Variants in AAMDC observed in about 807,000 individuals in gnomAD.
AAMDC encodes adipogenesis associated Mth938 domain containing, also known as mth938 domain-containing protein.
In AAMDC, 16 loss-of-function variants were observed where a neutral mutation model predicts 15.5. The ratio of observed to expected loss-of-function variants is 1.03; its 90% CI spans 0.70 to 1.57. The LOEUF is 1.57. Ranked by LOEUF, AAMDC falls within the 40% of genes most tolerant of loss-of-function variation. AAMDC has a pLI of 0.00. For synonymous variants in AAMDC, 51 were observed against 51.6 expected (o/e 0.99, Z 0.05); for missense variants, 141 against 144.9 (o/e 0.97, Z 0.14).
intron 1 of AAMDC, among the ~76,000 whole-genome samples, chr11:77,826,829 G>A (rs1272995012): frequency 6.6e-6 from 1 of 152,158 alleles, no homozygotes; most frequent in Non-Finnish European, 1.5e-5. Context: ...TTGGAGCTGG[G>A]TGCAATGGCT....
chr11:77,869,861 C>T (rs542396592), intron 3 of AAMDC, 44 bp downstream of exon 3: 11 of 1,571,976 alleles, frequency 7.0e-6, no homozygotes, highest in Middle Eastern at 1.7e-4. Flanking sequence ...AGGTGGGGAT[C>T]TCTTGGGCCT....
chr11:77,855,625 G>A (rs1467476856), intron 2 of AAMDC: 1 of 151,566 alleles, frequency 6.6e-6, no homozygotes, highest in African/African-American at 2.4e-5. Context: ...CACCACGCCT[G>A]GCCTTTTTTT....
At chr11:77,883,891 G>A (rs1326534459) in intron 5 of AAMDC, 2 of 1,613,168 alleles carry the variant, frequency 1.2e-6, no homozygotes, top group Non-Finnish European at 1.7e-6. Context: ...CCCTGGGCCA[G>A]GATTCCGGAA....
Position 77,866,705 on chromosome 11 carries a change from G to C in AAMDC, c.133-3017G>C, listed in dbSNP as rs532086543. On this transcript the variant is annotated intron_variant, in intron 2 of 3. Transcript: ENST00000393427. ...TTCATTTTACTAGAATGTGAGCTCT[G>C]GGTGAGAGAGTGAGACTCCATCTCG... is the stretch of plus-strand genomic sequence containing the variant. 5.9e-5 allele frequency: 9 copies of C among 151,780 alleles called. No individual in the cohort carries two copies. The South Asian group carries it at 1.9e-3, about 32-fold the overall frequency. 9.4% of individuals were successfully genotyped at this position (151,780 alleles called of 1,614,324 possible).
At chr11:77,844,730 AT>A (rs369312716) in intron 2 of AAMDC, among the ~76,000 whole-genome samples, 340 of 151,920 alleles carry the variant, frequency 2.2e-3, no homozygotes, top group African/African-American at 7.4e-3. Context: ...GGCTTTAGGG[AT>A]TTTGTTTTGT....
intron 5 of AAMDC, chr11:77,891,729 C>T: frequency 6.2e-7 from 1 of 1,611,974 alleles, no homozygotes; most frequent in Non-Finnish European, 8.5e-7. Flanking sequence ...GCAGCATGGT[C>T]TGTAGAATTT....
chr11:77,857,686 C>T (rs1054089410), intron 2 of AAMDC, among the ~76,000 whole-genome samples: 1 of 151,162 alleles, frequency 6.6e-6, no homozygotes, highest in Non-Finnish European at 1.5e-5. Flanking sequence ...CCTATCAACC[C>T]ATCAACTAAG....
chr11:77,872,650 T>G (rs941203059), downstream of AAMDC, among the ~76,000 whole-genome samples: 13 of 152,264 alleles, frequency 8.5e-5, no homozygotes, highest in Non-Finnish European at 1.8e-4. Context: ...TCTCTGGGCT[T>G]CAAATTTCAA....
At chr11:77,883,075 AAAT>A (rs10687244) in intron 5 of AAMDC, among the ~76,000 whole-genome samples, 8 of 148,262 alleles carry the variant, frequency 5.4e-5, no homozygotes, top group Admixed American at 1.4e-4. Flanking sequence ...CTCCGTCTCA[AAAT>A]AATAATAATA....
chr11:77,865,040 C>A (rs976892738), intron 2 of AAMDC, among the ~76,000 whole-genome samples: 2 of 152,138 alleles, frequency 1.3e-5, no homozygotes, highest in African/African-American at 2.4e-5. Flanking sequence ...CTTCTCTGGA[C>A]CCATATAGTT....
chr11:77,869,307 T>TCTC (rs199561789), intron 2 of AAMDC: 1,943 of 116,362 alleles, frequency 0.017, 36 homozygotes, highest in Middle Eastern at 0.042. Context: ...TATTTATCTC[T>TCTC]TTTTCTTTTT....
chr11:77,838,896 G>A (rs529951014), intron 1 of AAMDC, among the ~76,000 whole-genome samples: 5 of 152,216 alleles, frequency 3.3e-5, no homozygotes, highest in East Asian at 3.9e-4. Flanking sequence ...GATTACAGGC[G>A]TGAGCCACCG....
intron 1 of AAMDC, among the ~76,000 whole-genome samples, chr11:77,837,741 G>A (rs909326809): frequency 2.6e-5 from 4 of 152,034 alleles, no homozygotes; most frequent in South Asian, 2.1e-4. Context: ...CAGCCCTCAG[G>A]TACTTATTTT....
At chr11:77,840,190 G>A (rs1446163903) in intron 1 of AAMDC, among the ~76,000 whole-genome samples, 1 of 152,042 alleles carries the variant, frequency 6.6e-6, no homozygotes, top group Non-Finnish European at 1.5e-5. Context: ...AGGTATCTGG[G>A]GTTCATGGGA....
chr11:77,852,243 A>AAAAAAT, intron 2 of AAMDC, among the ~76,000 whole-genome samples: 1 of 133,694 alleles, frequency 7.5e-6, no homozygotes, highest in Non-Finnish European at 1.7e-5. Flanking sequence ...AAAAAAAAAG[A>AAAAAAT]AGAAGAAGAA....
intron 1 of AAMDC, among the ~76,000 whole-genome samples, chr11:77,822,795 T>C (rs1274971564): frequency 6.6e-6 from 1 of 152,216 alleles, no homozygotes; most frequent in African/African-American, 2.4e-5. Flanking sequence ...TAAGAAATAC[T>C]GATGTAAGAA....
intron 5 of AAMDC, among the ~76,000 whole-genome samples, chr11:77,894,077 C>T (rs1479058811): frequency 6.6e-6 from 1 of 151,918 alleles, no homozygotes; most frequent in Non-Finnish European, 1.5e-5. Flanking sequence ...AGTTTTGAAG[C>T]TCCAACTTCA....
At chr11:77,898,942 C>T (rs930421994) in intron 5 of AAMDC, among the ~76,000 whole-genome samples, 2 of 152,168 alleles carry the variant, frequency 1.3e-5, no homozygotes, top group Non-Finnish European at 2.9e-5. Context: ...GTTGCTTGGA[C>T]CCGGGAACCA....
chr11:77,852,037 T>A (rs1950404617), intron 2 of AAMDC, among the ~76,000 whole-genome samples: 1 of 151,888 alleles, frequency 6.6e-6, no homozygotes, highest in South Asian at 2.1e-4. Context: ...GTGGCCCTCT[T>A]CTCTCCTTCT....
Sources: gnomAD v4.1 joint callset for allele counts (sites outside exome capture counted in the v4.1 genomes callset) on GRCh38, gnomAD v4.1.1 for gene constraint, MANE v1.5 for transcripts, NCBI Gene and HGNC (gene_info 2026-07-23, HGNC 2026-07-21) for gene names.